Variants in MAP3K3 observed in about 807,000 individuals in gnomAD.
MAP3K3 encodes the protein MAP/ERK kinase kinase 3.
Under a neutral mutation model 80.9 loss-of-function variants are expected in MAP3K3, and 12 were observed. That is an observed-to-expected ratio of 0.15 (90% CI 0.10 to 0.24). The LOEUF (loss-of-function observed/expected upper bound fraction) is 0.24, where lower values mean the gene tolerates loss of function less well. Ranked by LOEUF, MAP3K3 falls within the 10% of genes least tolerant of loss-of-function variation. MAP3K3 has a pLI of 1.00. For missense variants in MAP3K3, 596 were observed against 834.7 expected (o/e 0.71, Z 3.52); for synonymous variants, 272 against 307.1 (o/e 0.89, Z 1.19).
intron 4 of MAP3K3, among the ~76,000 whole-genome samples, chr17:63,655,141 A>G (rs906511382): frequency 6.6e-6 from 1 of 152,204 alleles, no homozygotes; most frequent in Non-Finnish European, 1.5e-5. Context: ...CTTAACAATC[A>G]TGATGGAAGG....
rs569108789 is a variant in MAP3K3, at chr17:63,658,167, G to A, written c.381+260G>A. Among the ~76,000 whole-genome samples, 7 of 152,280 alleles carry A rather than the reference G, an allele frequency of 4.6e-5. 1 individual carries two copies. The South Asian group carries it at 1.5e-3, about 32-fold the overall frequency. ...AGGAAGGAAAATACTTTATGATAAA[G>A]AATAAAATTCTTGTGCTCTAAATTT... On this transcript the variant is annotated intron_variant, in intron 5 of 15. Coordinates refer to ENST00000361733, the MANE Select transcript of MAP3K3 (RefSeq NM_002401.5).
At chr17:63,652,095 A>G (rs1333149951) in intron 3 of MAP3K3, among the ~76,000 whole-genome samples, 2 of 152,172 alleles carry the variant, frequency 1.3e-5, no homozygotes, top group African/African-American at 4.8e-5. Context: ...ATAGTTAAAC[A>G]TGTGCCATGG....
intron 8 of MAP3K3, among the ~76,000 whole-genome samples, chr17:63,686,947 C>T (rs534768390): frequency 1.3e-5 from 2 of 152,280 alleles, no homozygotes; most frequent in Admixed American, 1.3e-4. Context: ...TGGCTTCAGA[C>T]AAGTCTTTTA....
intron 6 of MAP3K3, chr17:63,668,441 C>T (rs2143471169): frequency 6.6e-6 from 1 of 152,334 alleles, no homozygotes; most frequent in East Asian, 1.9e-4. Flanking sequence ...CAAGGAGAGC[C>T]TAGCCACAGC....
At chr17:63,648,729 C>T (rs953671223) in intron 3 of MAP3K3, among the ~76,000 whole-genome samples, 6 of 151,916 alleles carry the variant, frequency 3.9e-5, no homozygotes, top group South Asian at 2.1e-4. Flanking sequence ...GCAGGAGAAT[C>T]GCTTGAACCT....
rs201709115 is a variant in MAP3K3, at chr17:63,667,013, A to G, written c.455A>G (p.Asn152Ser). The stretch of plus-strand genomic sequence containing the variant: ...GCTTCCCAGTCCGCAGGGGATATAA[A>G]TACTATCTACCAGCCCCCCGAGCCC... ...IKASQSAGDI[N>S]TIYQPPEPRS... The change falls in exon 6 of 16, where the codon AAT (asparagine) becomes AGT (serine). Residue 152 changes from asparagine (N) to serine (S), a missense_variant. By Grantham distance (46) the Asn-to-Ser change is conservative (BLOSUM62 1). Transcript: ENST00000361733. The G allele has an allele frequency of 9.4e-5, 151 of 1,612,644 alleles. 1 individual carries two copies. Among genetic ancestry groups the G allele is most frequent in the Admixed American group, 7.9e-4 (47 of 59,546 alleles).
chr17:63,651,714 T>A (rs2034660942), intron 3 of MAP3K3, among the ~76,000 whole-genome samples: 2 of 152,224 alleles, frequency 1.3e-5, no homozygotes, highest in South Asian at 4.1e-4. Flanking sequence ...TTGTAGAAAT[T>A]GTTCTTTGAA....
intron 1 of MAP3K3, among the ~76,000 whole-genome samples, chr17:63,625,545 G>A (rs2034083258): frequency 6.6e-6 from 1 of 152,202 alleles, no homozygotes; most frequent in Admixed American, 6.5e-5. Flanking sequence ...TCTGGTTCTG[G>A]TTTGAAGTCA....
intron 1 of MAP3K3, among the ~76,000 whole-genome samples, chr17:63,623,466 T>A (rs1348395067): frequency 1.3e-5 from 2 of 152,248 alleles, no homozygotes; most frequent in African/African-American, 2.4e-5. Flanking sequence ...TCCATTATTT[T>A]TTTCTTGCGG....
chr17:63,632,928 T>C, intron 2 of MAP3K3, 126 bp downstream of exon 2: 1 of 1,267,868 alleles, frequency 7.9e-7, no homozygotes, highest in East Asian at 2.4e-5. Context: ...CCTTTCACAG[T>C]CTGTTAAATG....
chr17:63,673,552 C>T (rs1433281247), intron 6 of MAP3K3, among the ~76,000 whole-genome samples: 1 of 152,148 alleles, frequency 6.6e-6, no homozygotes, highest in East Asian at 1.9e-4. Flanking sequence ...ACCTTTGAAG[C>T]TCAAGCACTA....
At chr17:63,656,551 G>A (rs1386713665) in intron 4 of MAP3K3, among the ~76,000 whole-genome samples, 2 of 151,970 alleles carry the variant, frequency 1.3e-5, no homozygotes, top group African/African-American at 4.8e-5. Flanking sequence ...ATTGCAGCAA[G>A]TTGTGATTGT....
rs753261405 is a variant in MAP3K3, at chr17:63,681,924, G to T, written c.636+25G>T. 3 of 1,351,228 alleles carry T rather than the reference G, an allele frequency of 2.2e-6. No homozygotes were observed. The South Asian group carries it at 6.7e-5, about 30-fold the overall frequency. The allele number at this position is 1,351,228 out of a possible 1,614,324, so 83.7% of individuals were successfully genotyped here. ...CGTGAGTATAGGGGGGCTGGGATAT[G>T]CCTGTGGCCTGTATCAGCAGACCAA... On this transcript the variant is annotated intron_variant, in intron 7 of 15. Coordinates refer to ENST00000361733, the MANE Select transcript of MAP3K3 (RefSeq NM_002401.5).
At chr17:63,652,976 T>C (rs2034689822) in intron 4 of MAP3K3, among the ~76,000 whole-genome samples, 1 of 152,202 alleles carries the variant, frequency 6.6e-6, no homozygotes, top group Non-Finnish European at 1.5e-5. Flanking sequence ...TCTTATTTTT[T>C]TCCCCCCAGC....
intron 2 of MAP3K3, among the ~76,000 whole-genome samples, chr17:63,639,043 G>A (rs564791421): frequency 6.6e-6 from 1 of 152,142 alleles, no homozygotes; most frequent in East Asian, 1.9e-4. Flanking sequence ...AAAAAGAAAG[G>A]TATGTCATAT....
rs772489241 is a variant in MAP3K3 at position 63,692,341 on chromosome 17, G to A, written c.1574G>A (p.Arg525His). The A allele has an allele frequency of 4.3e-6, 7 of 1,613,762 alleles. No individual in the cohort carries two copies. Among genetic ancestry groups the A allele is most frequent in the Admixed American group, 1.7e-5 (1 of 59,986 alleles). Reference protein sequence around the residue: ...QTICMSGTGMRSVTGTPYWMS... With the variant: ...QTICMSGTGMHSVTGTPYWMS... ...ATCTGTATGTCGGGGACGGGCATGCGCTCCGTCACTGGCACACCCTACTGG... is the reference window on the plus strand; with the variant it reads ...ATCTGTATGTCGGGGACGGGCATGCACTCCGTCACTGGCACACCCTACTGG... Residue 525 changes from arginine (R) to histidine (H), a missense_variant, in exon 15 of 16, where the codon CGC becomes CAC. Physicochemically the swap from Arg to His is conservative, Grantham distance 29. Around this residue, in one of 2 missense-constraint regions of MAP3K3, gnomAD observed 364 missense variants for 588.9 expected, o/e 0.62. Transcript: ENST00000361733. The surrounding 1 kb of genome is among the most constrained non-coding windows in gnomAD (Gnocchi z 4.5).
At chr17:63,664,246 C>CAAA (rs60599826) in intron 5 of MAP3K3, among the ~76,000 whole-genome samples, 12 of 72,486 alleles carry the variant, frequency 1.7e-4, no homozygotes, top group South Asian at 5.9e-4. Context: ...GACTCCGTCT[C>CAAA]AAAAAAAAAA....
chr17:63,642,043 C>T (rs1457815477), intron 2 of MAP3K3, among the ~76,000 whole-genome samples: 1 of 152,186 alleles, frequency 6.6e-6, no homozygotes, highest in Non-Finnish European at 1.5e-5. Flanking sequence ...CTGAACTTCC[C>T]TTATCTATGG....
Position 63,692,304 on chromosome 17 carries a change from C to T in MAP3K3, c.1537C>T (p.Arg513Cys), listed in dbSNP as rs992780814. 4 of 1,613,846 alleles carry T rather than the reference C, an allele frequency of 2.5e-6. No homozygotes were observed. Among genetic ancestry groups the T allele is most frequent in the Admixed American group, 1.7e-5 (1 of 59,990 alleles). The change falls in exon 15 of 16, where the codon CGC (arginine) becomes TGC (cysteine). Residue 513 changes from arginine to cysteine, a missense_variant. By Grantham distance (180) the Arg-to-Cys change is radical. Coordinates refer to ENST00000361733, the MANE Select transcript of MAP3K3 (RefSeq NM_002401.5). The surrounding 1 kb of genome is among the most constrained non-coding windows in gnomAD (Gnocchi z 4.5). Reference protein sequence around the residue: ...VKLGDFGASKRLQTICMSGTG... With the variant: ...VKLGDFGASKCLQTICMSGTG... ...GCTGGGGGACTTTGGGGCCAGCAAA[C>T]GCCTGCAGACGATCTGTATGTCGGG...
Sources: gnomAD v4.1 joint callset for allele counts (sites outside exome capture counted in the v4.1 genomes callset) on GRCh38, gnomAD v4.1.1 for gene constraint, gnomAD v4.1.1 regional missense constraint, Gnocchi (gnomAD v3.1) non-coding constraint, MANE v1.5 for transcripts, NCBI Gene and HGNC (gene_info 2026-07-23, HGNC 2026-07-21) for gene names.